MAD1L1: variants seen among roughly 807,000 people sequenced by gnomAD.
The protein encoded by MAD1L1 is mitotic spindle assembly checkpoint protein MAD1.
In MAD1L1, 95 loss-of-function variants were observed where a neutral mutation model predicts 96.9. The ratio of observed to expected loss-of-function variants is 0.98; its 90% CI spans 0.83 to 1.16. The LOEUF is 1.16. Among genes scored for constraint, MAD1L1 ranks in the 50% most tolerant of loss-of-function variants. MAD1L1 has a pLI of 0.00. For missense variants in MAD1L1, 1,007 were observed against 954.4 expected (o/e 1.06, Z -0.73); for synonymous variants, 473 against 396.6 (o/e 1.19, Z -2.29).
chr7:2,228,014 G>T (rs986083785), intron 3 of MAD1L1, among the ~76,000 whole-genome samples: 1 of 148,042 alleles, frequency 6.8e-6, no homozygotes, highest in Non-Finnish European at 1.5e-5. Flanking sequence ...GCCACGCCGG[G>T]GGCTCAGCAG....
rs1318718154 is a variant in MAD1L1 at position 2,219,240 on chromosome 7, T to C, written c.596+92A>G. 2.5e-6 allele frequency: 3 copies of C among 1,183,968 alleles called. No individual in the cohort carries two copies. In the African/African-American group the frequency reaches 4.5e-5, roughly 18 times the overall value. The allele number at this position is 1,183,968 out of a possible 1,614,324, so 73.3% of individuals were successfully genotyped here. A position where few individuals can be genotyped will look rare whatever the true frequency, so the allele number is the denominator to read the frequency against. ...TGAATTAGGACAGCATCTGGGAGTG[T>C]ATCCACATCCCACCCAGCCACCAGG... is the stretch of plus-strand genomic sequence containing the variant. On this transcript the variant is annotated intron_variant, in intron 6 of 18. Transcript: ENST00000265854.
Position 2,152,165 on chromosome 7 carries a change from C to T in MAD1L1, c.987-2927G>A, listed in dbSNP as rs564031341. Among the ~76,000 whole-genome samples, 159 of 152,332 alleles carry T rather than the reference C, an allele frequency of 1.0e-3. 1 individual carries two copies. Among genetic ancestry groups the T allele is most frequent in the Non-Finnish European group, 1.8e-3 (124 of 68,016 alleles). On this transcript the variant is annotated intron_variant, in intron 10 of 18. Coordinates refer to ENST00000265854, the MANE Select transcript of MAD1L1 (RefSeq NM_001013836.2). ...ATGGTCCCACACAGACCCCAGCCCT[C>T]GGGAGCACTGTCACGTGATGGGCTC...
chr7:2,052,945 G>A (rs755220541), intron 12 of MAD1L1, among the ~76,000 whole-genome samples: 1 of 152,128 alleles, frequency 6.6e-6, no homozygotes, highest in Non-Finnish European at 1.5e-5. Flanking sequence ...CCAGAAGGGA[G>A]AGCTGCCCCA....
chr7:2,211,667 C>T (rs1260757267), intron 10 of MAD1L1, among the ~76,000 whole-genome samples: 1 of 152,222 alleles, frequency 6.6e-6, no homozygotes, highest in East Asian at 1.9e-4. Flanking sequence ...GCCGGCCCTA[C>T]AGAAGTCTGT....
intron 12 of MAD1L1, among the ~76,000 whole-genome samples, chr7:2,038,567 C>T (rs193047375): frequency 5.8e-5 from 8 of 137,940 alleles, no homozygotes; most frequent in African/African-American, 8.0e-5. Context: ...GGCTGGAGCA[C>T]GGTGGCACAA....
intron 18 of MAD1L1, among the ~76,000 whole-genome samples, chr7:1,836,908 T>C (rs1309806315): frequency 6.6e-6 from 1 of 152,096 alleles, no homozygotes; most frequent in Non-Finnish European, 1.5e-5. Flanking sequence ...TTGGGTTAGG[T>C]AAAGATTTCT....
intron 16 of MAD1L1, among the ~76,000 whole-genome samples, chr7:1,951,241 G>A (rs1032912106): frequency 6.6e-6 from 1 of 152,384 alleles, no homozygotes; most frequent in Non-Finnish European, 1.5e-5. Context: ...GAGCTGGCAG[G>A]AGGCCTCAGG....
rs200238470 is a variant in MAD1L1 at position 1,820,718 on chromosome 7, G to C, written c.1999-4490C>G. ...TGATCACACCACTGCACTCCAGCCT[G>C]GGCAACAGAGTGAAACCCTGTCTCA... On this transcript the variant is annotated intron_variant, in intron 18 of 18. Coordinates refer to ENST00000265854, the MANE Select transcript of MAD1L1 (RefSeq NM_001013836.2). 2.0e-5 allele frequency among the ~76,000 whole-genome samples: 3 copies of C among 151,988 alleles called. No homozygotes were observed. In the East Asian group the frequency reaches 5.8e-4, roughly 29 times the overall value.
At chr7:1,957,984 T>C (rs1278488507) in intron 15 of MAD1L1, among the ~76,000 whole-genome samples, 1 of 152,194 alleles carries the variant, frequency 6.6e-6, no homozygotes, top group Non-Finnish European at 1.5e-5. Context: ...GACCACACCT[T>C]GGCTGGAAGC....
intron 17 of MAD1L1, among the ~76,000 whole-genome samples, chr7:1,934,673 A>G (rs1427588530): frequency 2.7e-5 from 4 of 150,090 alleles, no homozygotes; most frequent in African/African-American, 7.4e-5. Context: ...GGGAACGAAC[A>G]GATGGGCGAA....
intron 10 of MAD1L1, among the ~76,000 whole-genome samples, chr7:2,159,946 G>C (rs866995385): frequency 6.6e-6 from 1 of 152,196 alleles, no homozygotes; most frequent in Non-Finnish European, 1.5e-5. Flanking sequence ...AAAGAAGTCT[G>C]GCCAGGCGCA....
chr7:1,914,665 G>T (rs2056480), intron 17 of MAD1L1, among the ~76,000 whole-genome samples: 1 of 152,218 alleles, frequency 6.6e-6, no homozygotes. Context: ...CCAGGGTAGC[G>T]AACAGGGGTG....
intron 16 of MAD1L1, 135 bp from the exon 17 acceptor site, chr7:1,937,032 T>A: frequency 1.4e-6 from 1 of 691,692 alleles, no homozygotes; most frequent in African/African-American, 1.8e-5. Context: ...AGTTCTTTTG[T>A]CTTCTTGAGC....
At chr7:1,868,541 G>C (rs1021870926) in intron 18 of MAD1L1, among the ~76,000 whole-genome samples, 16 of 152,162 alleles carry the variant, frequency 1.1e-4, no homozygotes, top group African/African-American at 3.9e-4. Context: ...GTGGGGAAGG[G>C]AGCTCCTGGA....
rs1425150823 is a variant in MAD1L1 at position 2,146,408 on chromosome 7, GCTACGA to G, written c.1073+2738_1073+2743del. On this transcript the variant is annotated intron_variant, in intron 11 of 18. Coordinates refer to ENST00000265854, the MANE Select transcript of MAD1L1 (RefSeq NM_001013836.2). The surrounding 1 kb of genome is among the most constrained non-coding windows in gnomAD (Gnocchi z 6.2). Reference sequence around the variant, plus strand: ...TCGAAGAGGGAGCACCGGGCACTGGGCTACGAGGAACAGGGCAGTGGAGCCGCACCC... The same window carrying G: ...TCGAAGAGGGAGCACCGGGCACTGGGGGAACAGGGCAGTGGAGCCGCACCC... 6.6e-6 allele frequency among the ~76,000 whole-genome samples: 1 copy of G among 152,258 alleles called. No homozygotes were observed. The highest frequency in any genetic ancestry group is 1.9e-4 in the East Asian group (1 of 5,180).
intron 15 of MAD1L1, among the ~76,000 whole-genome samples, chr7:1,964,742 G>A (rs943929841): frequency 1.3e-5 from 2 of 152,246 alleles, no homozygotes; most frequent in African/African-American, 2.4e-5. Flanking sequence ...TGGAAAGCAG[G>A]TGGAGGGTAG....
intron 17 of MAD1L1, among the ~76,000 whole-genome samples, chr7:1,932,346 C>A (rs1020282831): frequency 6.6e-6 from 1 of 151,772 alleles, no homozygotes; most frequent in Non-Finnish European, 1.5e-5. Context: ...GTCTGCTCTG[C>A]GTGCCACAGC....
At chr7:1,965,623 C>A (rs775816134) in intron 15 of MAD1L1, among the ~76,000 whole-genome samples, 1 of 152,370 alleles carries the variant, frequency 6.6e-6, no homozygotes, top group East Asian at 1.9e-4. Flanking sequence ...GACTCCCCGG[C>A]CCCCGTGGCC....
intron 10 of MAD1L1, chr7:2,202,042 G>A (rs1039142893): frequency 2.2e-4 from 33 of 152,322 alleles, no homozygotes; most frequent in African/African-American, 7.2e-4. Flanking sequence ...GGACCCCAGG[G>A]GGGCCCTGTC....
Sources: allele counts gnomAD v4.1 joint callset (sites outside exome capture counted in the v4.1 genomes callset), GRCh38; gene constraint gnomAD v4.1.1; non-coding constraint Gnocchi (gnomAD v3.1); transcripts MANE v1.5; gene names NCBI Gene and HGNC (gene_info 2026-07-23, HGNC 2026-07-21).